The following PTCHD4 variants were observed in gnomAD, a reference collection of about 807,000 sequenced individuals.
PTCHD4 encodes patched domain-containing protein 4.
A neutral mutation model predicts 58.1 loss-of-function variants in PTCHD4; 33 were observed. The ratio of observed to expected loss-of-function variants is 0.57; its 90% CI spans 0.43 to 0.76. The LOEUF is 0.76. Among genes scored for constraint, PTCHD4 ranks in the 30% least tolerant of loss-of-function variants. PTCHD4 has a pLI of 0.00. For synonymous variants in PTCHD4, 478 were observed against 409.6 expected (o/e 1.17, Z -2.02); for missense variants, 1,058 against 1,027.1 (o/e 1.03, Z -0.41).
At position 48,021,940 on chromosome 6, in the gene PTCHD4, A is replaced by G. The variant is rs542694404; in HGVS notation, c.418-12826T>C. On this transcript the variant is annotated intron_variant, in intron 3 of 4. Transcript: ENST00000339488. ...ACCTTTCTGAAGCCAAATGAAACAA[A>G]TATGGAGTACATATCTCAAGGAAAT... Among the ~76,000 whole-genome samples, 350 of 152,288 alleles carry G rather than the reference A, an allele frequency of 2.3e-3. 2 individuals carry two copies. Among genetic ancestry groups the G allele is most frequent in the African/African-American group, 7.8e-3 (324 of 41,580 alleles).
chr6:47,894,906 T>G (rs1396309425), intron 4 of PTCHD4, among the ~76,000 whole-genome samples: 2 of 151,932 alleles, frequency 1.3e-5, no homozygotes, highest in African/African-American at 2.4e-5. Flanking sequence ...CTGAGGCAGG[T>G]GGATCATCTG....
chr6:48,082,660 C>T (rs1765187922), intron 1 of PTCHD4, among the ~76,000 whole-genome samples: 1 of 152,128 alleles, frequency 6.6e-6, no homozygotes, highest in Non-Finnish European at 1.5e-5. Flanking sequence ...TATCCCTACA[C>T]AATATTTACA....
chr6:48,092,035 A>C, intron 1 of PTCHD4, among the ~76,000 whole-genome samples: 1 of 151,948 alleles, frequency 6.6e-6, no homozygotes, highest in Admixed American at 6.6e-5. Flanking sequence ...ACACACAATA[A>C]AGACCTAGAT....
At chr6:48,028,572 A>G (rs1289405997) in intron 3 of PTCHD4, among the ~76,000 whole-genome samples, 1 of 152,116 alleles carries the variant, frequency 6.6e-6, no homozygotes, top group Non-Finnish European at 1.5e-5. Context: ...TTTTTTCTCT[A>G]AGTAACCGAG....
In PTCHD4 at chr6:48,078,465, C is replaced by T. The variant is rs1252859458; in HGVS notation, c.-969-8539G>A. Reference sequence around the variant, plus strand: ...AGTATGGTGCAGAGTCTTATTGGATCAATGCACAAAGATGACATGCTGCTT... The same window carrying T: ...AGTATGGTGCAGAGTCTTATTGGATTAATGCACAAAGATGACATGCTGCTT... On this transcript the variant is annotated intron_variant, in intron 1 of 4. Transcript: ENST00000339488. 2.6e-5 allele frequency among the ~76,000 whole-genome samples: 4 copies of T among 152,194 alleles called. No individual in the cohort carries two copies. In the East Asian group the frequency reaches 7.7e-4, roughly 29 times the overall value.
At chr6:47,953,655 G>A (rs1039967374) in intron 4 of PTCHD4, among the ~76,000 whole-genome samples, 4 of 152,000 alleles carry the variant, frequency 2.6e-5, no homozygotes, top group Non-Finnish European at 4.4e-5. Flanking sequence ...CGTGTATCTC[G>A]GTCCAAAGTG....
rs1768681626 is a variant in PTCHD4 at position 48,000,506 on chromosome 6, A to G, written c.898+8128T>C. 2.0e-5 allele frequency among the ~76,000 whole-genome samples: 3 copies of G among 152,224 alleles called. No individual in the cohort carries two copies. The South Asian group carries it at 6.2e-4, about 32-fold the overall frequency. ...TTCAAGTGGGCGTTTAGAGATTTCT[A>G]GTTATCTTTCCGAATTTTCTTTAAT... On this transcript the variant is annotated intron_variant, in intron 4 of 4. Coordinates refer to ENST00000339488, the MANE Select transcript of PTCHD4 (RefSeq NM_001384253.1).
At chr6:48,030,906 T>C (rs1763414964) in intron 3 of PTCHD4, among the ~76,000 whole-genome samples, 1 of 152,078 alleles carries the variant, frequency 6.6e-6, no homozygotes, top group Non-Finnish European at 1.5e-5. Flanking sequence ...CCAGCAAATA[T>C]TCTCTATTAC....
At chr6:47,940,808 A>G (rs1472488660) in intron 4 of PTCHD4, among the ~76,000 whole-genome samples, 6 of 152,164 alleles carry the variant, frequency 3.9e-5, no homozygotes, top group Non-Finnish European at 5.9e-5. Context: ...CAGGAATCAT[A>G]CTATTCTTGA....
At position 48,069,327 on chromosome 6, in the gene PTCHD4, G is replaced by A; in HGVS notation, c.-370C>T. ...ATGGTGAAGGTGCTGCTGGCCCATTGGAGCAAGGGCAATTAGAGCCCAAGG... is the reference window on the plus strand; with the variant it reads ...ATGGTGAAGGTGCTGCTGGCCCATTAGAGCAAGGGCAATTAGAGCCCAAGG... On this transcript the variant is annotated 5_prime_UTR_variant, in exon 2 of 5. Transcript: ENST00000339488. Among the ~76,000 whole-genome samples the A allele has an allele frequency of 6.6e-6, 1 of 152,144 alleles. No homozygotes were observed. Among genetic ancestry groups the A allele is most frequent in the East Asian group, 1.9e-4 (1 of 5,190 alleles).
chr6:47,892,459 TA>T (rs1764410333), intron 4 of PTCHD4, among the ~76,000 whole-genome samples: 2 of 152,218 alleles, frequency 1.3e-5, no homozygotes, highest in South Asian at 4.1e-4. Flanking sequence ...TAAAGTTTAA[TA>T]ACTTCTTTTT....
intron 4 of PTCHD4, among the ~76,000 whole-genome samples, chr6:47,933,007 T>C (rs1765876309): frequency 1.3e-5 from 2 of 152,200 alleles, no homozygotes; most frequent in South Asian, 2.1e-4. Flanking sequence ...TGACACATAA[T>C]GTAGGCCACA....
intron 3 of PTCHD4, among the ~76,000 whole-genome samples, chr6:48,038,226 C>A (rs1346810304): frequency 6.6e-6 from 1 of 152,056 alleles, no homozygotes; most frequent in Non-Finnish European, 1.5e-5. Context: ...TTACCACCCA[C>A]TGTTCTAAGA....
chr6:47,916,014 C>A (rs762602398), intron 4 of PTCHD4, among the ~76,000 whole-genome samples: 2 of 152,066 alleles, frequency 1.3e-5, no homozygotes, highest in Non-Finnish European at 2.9e-5. Flanking sequence ...TGAGAGGTTT[C>A]TTGAGAGAGT....
intron 1 of PTCHD4, among the ~76,000 whole-genome samples, chr6:48,109,582 C>T (rs567056450): frequency 6.6e-6 from 1 of 152,082 alleles, no homozygotes; most frequent in Non-Finnish European, 1.5e-5. Flanking sequence ...AAAGCTCCTT[C>T]AGAGTAAAGG....
chr6:47,869,866 T>C lies in PTCHD4; in HGVS notation c.*8437A>G, dbSNP rs1328975. ...CTTAGCCTAGAATTAAAAGGTAGCATGCTCGAAGTTCTCACTGAGGTTAGA... is the reference window on the plus strand; with the variant it reads ...CTTAGCCTAGAATTAAAAGGTAGCACGCTCGAAGTTCTCACTGAGGTTAGA... On this transcript the variant is annotated 3_prime_UTR_variant, in exon 5 of 5. Coordinates refer to ENST00000339488, the MANE Select transcript of PTCHD4 (RefSeq NM_001384253.1). Among the ~76,000 whole-genome samples the C allele has an allele frequency of 0.74, 111,925 of 151,414 alleles. 41,604 individuals carry two copies. Among genetic ancestry groups the C allele is most frequent in the East Asian group, 0.84 (4,302 of 5,126 alleles).
At chr6:48,038,477 A>G (rs1400205010) in intron 3 of PTCHD4, among the ~76,000 whole-genome samples, 4 of 151,638 alleles carry the variant, frequency 2.6e-5, no homozygotes, top group Admixed American at 2.0e-4. Flanking sequence ...CCCCATCTCT[A>G]CTTAAAAAAA....
chr6:48,105,136 C>G (rs1308553540), intron 1 of PTCHD4, among the ~76,000 whole-genome samples: 1 of 152,170 alleles, frequency 6.6e-6, no homozygotes, highest in African/African-American at 2.4e-5. Flanking sequence ...CACCCCAAAT[C>G]AACAGAATAT....
At chr6:47,881,029 A>G (rs909564186) in intron 4 of PTCHD4, among the ~76,000 whole-genome samples, 1 of 152,156 alleles carries the variant, frequency 6.6e-6, no homozygotes, top group African/African-American at 2.4e-5. Context: ...GGGCATAGCA[A>G]TACTACATAG....
Sources: allele counts gnomAD v4.1 joint callset (sites outside exome capture counted in the v4.1 genomes callset), GRCh38; gene constraint gnomAD v4.1.1; transcripts MANE v1.5; gene names NCBI Gene and HGNC (gene_info 2026-07-23, HGNC 2026-07-21).